GRIA4: variants seen among roughly 807,000 people sequenced by gnomAD.
GRIA4 encodes the protein glutamate ionotropic receptor AMPA type subunit 4.
GRIA4 carries 34 observed loss-of-function variants against 104.0 expected under a neutral mutation model. The observed-to-expected ratio is 0.33, with a 90% CI of 0.25 to 0.44. The LOEUF is 0.44. Among genes scored for constraint, GRIA4 ranks in the 20% least tolerant of loss-of-function variants. GRIA4 has a pLI of 1.00. For synonymous variants in GRIA4, 386 were observed against 381.9 expected, an observed-to-expected ratio of 1.01 and a Z score of -0.13; for missense variants, 750 against 1,096.5, an observed-to-expected ratio of 0.68 and a Z score of 4.46.
chr11:105,637,852 G>A (rs1029382236), intron 3 of GRIA4, among the ~76,000 whole-genome samples: 1 of 152,110 alleles, frequency 6.6e-6, no homozygotes, highest in Non-Finnish European at 1.5e-5. Context: ...CTAAGCCCAG[G>A]TGCAAATGAC....
At chr11:105,660,115 T>C (rs1951962272) in intron 3 of GRIA4, among the ~76,000 whole-genome samples, 2 of 151,630 alleles carry the variant, frequency 1.3e-5, no homozygotes, top group African/African-American at 4.8e-5. Flanking sequence ...TAATAATATT[T>C]CTAGGGGAAG....
At chr11:105,833,366 A>G (rs1272513641) in intron 4 of GRIA4, among the ~76,000 whole-genome samples, 1 of 151,980 alleles carries the variant, frequency 6.6e-6, no homozygotes, top group Non-Finnish European at 1.5e-5. Context: ...ATTTCTTTGT[A>G]ACATCTAAAT....
At chr11:105,698,836 C>T (rs1304025511) in intron 3 of GRIA4, among the ~76,000 whole-genome samples, 3 of 152,204 alleles carry the variant, frequency 2.0e-5, no homozygotes, top group Non-Finnish European at 4.4e-5. Flanking sequence ...ACTTTTCACT[C>T]TGCACATGTC....
At chr11:105,748,235 T>G (rs183409741) in intron 3 of GRIA4, among the ~76,000 whole-genome samples, 1 of 152,310 alleles carries the variant, frequency 6.6e-6, no homozygotes, top group East Asian at 1.9e-4. Flanking sequence ...GCTTGGAACT[T>G]AGTTATGGCT....
chr11:105,742,978 C>G (rs1309961483), intron 3 of GRIA4, among the ~76,000 whole-genome samples: 2 of 152,106 alleles, frequency 1.3e-5, no homozygotes, highest in Non-Finnish European at 2.9e-5. Context: ...CTCATGTGAT[C>G]CACCCATCTC....
chr11:105,938,596 T>C (rs1309608267), intron 14 of GRIA4, among the ~76,000 whole-genome samples: 1 of 152,206 alleles, frequency 6.6e-6, no homozygotes, highest in Admixed American at 6.5e-5. Context: ...AAAGATGCTA[T>C]AGATAACTTA....
intron 3 of GRIA4, among the ~76,000 whole-genome samples, chr11:105,710,711 C>CA (rs1953880340): frequency 6.6e-6 from 1 of 152,044 alleles, no homozygotes; most frequent in South Asian, 2.1e-4. Flanking sequence ...TAACAATAGG[C>CA]ATAAATTATT....
At chr11:105,937,624 C>A (rs529558540) in intron 14 of GRIA4, among the ~76,000 whole-genome samples, 1 of 151,956 alleles carries the variant, frequency 6.6e-6, no homozygotes, top group Non-Finnish European at 1.5e-5. Flanking sequence ...GTATACTTGA[C>A]CCTAATGTTT....
intron 10 of GRIA4, chr11:105,913,322 G>A: frequency 1.6e-6 from 1 of 611,126 alleles, no homozygotes; most frequent in Non-Finnish European, 2.0e-6. Flanking sequence ...ATTTTTTCTT[G>A]TAACAGTGTT....
chr11:105,617,694 G>A lies in GRIA4; in HGVS notation c.247+5260G>A, dbSNP rs111756556. 1.0e-3 allele frequency among the ~76,000 whole-genome samples: 156 copies of A among 152,148 alleles called. 2 individuals carry two copies. The highest frequency in any genetic ancestry group is 3.6e-3 in the African/African-American group (149 of 41,540). On this transcript the variant is annotated intron_variant, in intron 3 of 16. Coordinates refer to ENST00000282499, the MANE Select transcript of GRIA4 (RefSeq NM_000829.4). Reference sequence around the variant, plus strand: ...AATGAAGCCATTCATTCATTCATTAGATAAGATAATGAATTATCCATTTAC... The same window carrying A: ...AATGAAGCCATTCATTCATTCATTAAATAAGATAATGAATTATCCATTTAC...
intron 3 of GRIA4, chr11:105,706,713 G>A (rs1425712756): frequency 6.6e-6 from 1 of 152,362 alleles, no homozygotes; most frequent in African/African-American, 2.4e-5. Flanking sequence ...TTAAGAAGCA[G>A]TCTGAACCTG....
intron 4 of GRIA4, among the ~76,000 whole-genome samples, chr11:105,785,497 CAATTG>C (rs1429274816): frequency 5.9e-5 from 9 of 152,154 alleles, no homozygotes; most frequent in African/African-American, 2.2e-4. Flanking sequence ...CAATGGGCAT[CAATTG>C]TTTCTTGGAA....
chr11:105,685,528 T>G (rs1278617580), intron 3 of GRIA4, among the ~76,000 whole-genome samples: 4 of 151,946 alleles, frequency 2.6e-5, no homozygotes, highest in Non-Finnish European at 1.5e-5. Flanking sequence ...ACTAAAAGAG[T>G]GCTAGTAACT....
Position 105,921,292 on chromosome 11 carries a change from C to G in GRIA4, c.1476+2374C>G, listed in dbSNP as rs1269106767. ...GCTGCTTCAGGGTCATTTCCTTGGC[C>G]TCTACCACACTTGGGTGTGTGTGTG... On this transcript the variant is annotated intron_variant, in intron 11 of 16. Coordinates refer to ENST00000282499, the MANE Select transcript of GRIA4 (RefSeq NM_000829.4). Among the ~76,000 whole-genome samples, 3 of 149,998 alleles carry G rather than the reference C, an allele frequency of 2.0e-5. No individual in the cohort carries two copies. In the East Asian group the frequency reaches 5.9e-4, roughly 29 times the overall value.
At chr11:105,670,797 C>A (rs1212247303) in intron 3 of GRIA4, among the ~76,000 whole-genome samples, 2 of 152,088 alleles carry the variant, frequency 1.3e-5, no homozygotes, top group Non-Finnish European at 2.9e-5. Context: ...TAACAAATTA[C>A]CACAAATGTA....
At chr11:105,783,690 C>CAA (rs1342239815) in intron 4 of GRIA4, among the ~76,000 whole-genome samples, 2 of 150,932 alleles carry the variant, frequency 1.3e-5, no homozygotes, top group African/African-American at 4.9e-5. Flanking sequence ...CTACACTTTT[C>CAA]AAAAAATGAC....
Position 105,625,880 on chromosome 11 carries a change from T to C in GRIA4, c.247+13446T>C, listed in dbSNP as rs775960652. Among the ~76,000 whole-genome samples the C allele has an allele frequency of 2.0e-5, 3 of 152,166 alleles. No individual in the cohort carries two copies. The South Asian group carries it at 6.2e-4, about 31-fold the overall frequency. ...AAAATTCACAGTTAGAAATATTTCT[T>C]ATGTTCACTCTTAAATTTTAATTTG... On this transcript the variant is annotated intron_variant, in intron 3 of 16. Coordinates refer to ENST00000282499, the MANE Select transcript of GRIA4 (RefSeq NM_000829.4).
chr11:105,974,718 C>A, intron 16 of GRIA4: 1 of 618,442 alleles, frequency 1.6e-6, no homozygotes, highest in Non-Finnish European at 2.8e-6. Context: ...TGCAGATGTA[C>A]TGTTTGAAAC....
intron 3 of GRIA4, among the ~76,000 whole-genome samples, chr11:105,688,828 T>C (rs1952985360): frequency 6.6e-6 from 1 of 152,154 alleles, no homozygotes; most frequent in Admixed American, 6.5e-5. Flanking sequence ...AATATACAGA[T>C]AATACGTCAT....
Sources: allele counts gnomAD v4.1 joint callset (sites outside exome capture counted in the v4.1 genomes callset), GRCh38; gene constraint gnomAD v4.1.1; transcripts MANE v1.5; gene names NCBI Gene and HGNC (gene_info 2026-07-23, HGNC 2026-07-21).